Variants in DDX60L observed in about 807,000 individuals in gnomAD.
The protein encoded by DDX60L is probable ATP-dependent RNA helicase DDX60-like.
DDX60L carries 191 observed loss-of-function variants against 211.6 expected under a neutral mutation model. The observed-to-expected ratio is 0.90, with a 90% CI of 0.80 to 1.02. The LOEUF (loss-of-function observed/expected upper bound fraction) is 1.02. Ranked by LOEUF, DDX60L falls within the 50% of genes least tolerant of loss-of-function variation. The pLI, the probability that DDX60L is intolerant of heterozygous loss-of-function variation, is 0.00. For missense variants in DDX60L, 2,007 were observed against 1,984.1 expected, an observed-to-expected ratio of 1.01 and a Z score of -0.22; for synonymous variants, 706 against 694.1, an observed-to-expected ratio of 1.02 and a Z score of -0.27.
intron 7 of DDX60L, among the ~76,000 whole-genome samples, chr4:168,455,263 A>G (rs898725028): frequency 1.3e-5 from 1 of 79,790 alleles, no homozygotes; most frequent in Non-Finnish European, 2.4e-5. Flanking sequence ...TCTAGACTGC[A>G]TACAAACTTT....
At chr4:168,468,193 C>T (rs7662538) in intron 4 of DDX60L, among the ~76,000 whole-genome samples, 109,047 of 151,492 alleles carry the variant, frequency 0.72, 40,506 homozygotes, top group East Asian at 0.88. Flanking sequence ...AATAAATAAA[C>T]AAGTAAAATT....
intron 8 of DDX60L, among the ~76,000 whole-genome samples, chr4:168,451,423 G>A (rs183113595): frequency 1.2e-3 from 184 of 152,284 alleles, no homozygotes; most frequent in African/African-American, 4.2e-3. Flanking sequence ...AGTTGGCCTA[G>A]CCAGAAACCT....
At chr4:168,473,472 C>G (rs1420224487) in intron 1 of DDX60L, among the ~76,000 whole-genome samples, 1 of 151,934 alleles carries the variant, frequency 6.6e-6, no homozygotes, top group East Asian at 1.9e-4. Flanking sequence ...TATTGGGGGG[C>G]CATTTTGAAG....
chr4:168,437,630 C>T (rs777068931), intron 10 of DDX60L, among the ~76,000 whole-genome samples: 3 of 152,088 alleles, frequency 2.0e-5, no homozygotes, highest in Middle Eastern at 3.2e-3. Context: ...AACTGACTAG[C>T]GTTAATGTTA....
At chr4:168,448,422 C>G (rs1188654423) in intron 9 of DDX60L, among the ~76,000 whole-genome samples, 2 of 152,046 alleles carry the variant, frequency 1.3e-5, no homozygotes, top group African/African-American at 2.4e-5. Context: ...AAAAATATAA[C>G]TATTAATATG....
intron 28 of DDX60L, 98 bp from the exon 29 acceptor site, chr4:168,391,742 C>T (rs1744868631): frequency 3.4e-6 from 2 of 580,800 alleles, no homozygotes; most frequent in South Asian, 2.7e-5. Context: ...ACTCTTAGAG[C>T]TTTAACAAAC....
Position 168,394,496 on chromosome 4 carries a change from AC to A in DDX60L, c.3778del (p.Val1260LeufsTer6). ...AAGCCCTTTTACAAAGAGTATCTCA[AC>A]AAACTCTTTTTCTTTAAAATACATG... ...SSMYFKEKEF[V>X]EILFVKGLIR... On this transcript the variant is annotated frameshift_variant, in exon 28 of 38. Transcript: ENST00000682922. LOFTEE classifies it high-confidence loss of function. 1.2e-6 allele frequency: 2 copies of A among 1,610,142 alleles called. No homozygotes were observed. The highest frequency in any genetic ancestry group is 1.7e-6 in the Non-Finnish European group (2 of 1,178,732).
At chr4:168,403,924 A>G in intron 25 of DDX60L, 58 bp downstream of exon 25, 1 of 1,181,166 alleles carries the variant, frequency 8.5e-7, no homozygotes, top group Non-Finnish European at 1.1e-6. Flanking sequence ...ATTGAAAACA[A>G]AACCAAACAA....
At chr4:168,477,071 G>T (rs970889358) in intron 1 of DDX60L, among the ~76,000 whole-genome samples, 3 of 152,078 alleles carry the variant, frequency 2.0e-5, no homozygotes, top group Non-Finnish European at 4.4e-5. Flanking sequence ...TTTGTAAGTT[G>T]TAATTGCTAC....
intron 33 of DDX60L, 81 bp from the exon 34 acceptor site, chr4:168,375,605 AGT>A: frequency 7.8e-7 from 1 of 1,276,030 alleles, no homozygotes; most frequent in Non-Finnish European, 1.0e-6. Context: ...ATTGCAGCAT[AGT>A]TCTGTAGATT....
chr4:168,406,804 C>T, intron 22 of DDX60L, 98 bp from the exon 23 acceptor site: 1 of 861,834 alleles, frequency 1.2e-6, no homozygotes, highest in South Asian at 1.7e-5. Context: ...CAAGTCTTTA[C>T]CTGTGAATCC....
intron 33 of DDX60L, among the ~76,000 whole-genome samples, chr4:168,376,885 T>C (rs1742039821): frequency 6.6e-6 from 1 of 152,244 alleles, no homozygotes; most frequent in African/African-American, 2.4e-5. Context: ...AAATCTTTGC[T>C]AATTGACTAA....
chr4:168,375,629 A>T, intron 33 of DDX60L, 105 bp from the exon 34 acceptor site: 4 of 1,045,186 alleles, frequency 3.8e-6, no homozygotes, highest in Non-Finnish European at 5.2e-6. Context: ...ATGCTCATTC[A>T]TCAAAACCCT....
At chr4:168,455,591 G>C (rs1387806010) in intron 7 of DDX60L, among the ~76,000 whole-genome samples, 2 of 152,114 alleles carry the variant, frequency 1.3e-5, no homozygotes, top group Non-Finnish European at 2.9e-5. Context: ...CGACAGGAGA[G>C]AGTGATAATT....
chr4:168,381,500 A>G (rs1341516670), intron 30 of DDX60L, among the ~76,000 whole-genome samples: 3 of 152,180 alleles, frequency 2.0e-5, no homozygotes, highest in African/African-American at 4.8e-5. Flanking sequence ...TTAAAAATCT[A>G]ATTTAATAAA....
intron 36 of DDX60L, among the ~76,000 whole-genome samples, chr4:168,371,342 C>A (rs1018854320): frequency 8.7e-5 from 13 of 148,972 alleles, no homozygotes; most frequent in Non-Finnish European, 1.8e-4. Context: ...GTAGTAGCCC[C>A]AAAATCCCAA....
At chr4:168,373,537 A>C in intron 35 of DDX60L, 129 bp downstream of exon 35, 2 of 941,406 alleles carry the variant, frequency 2.1e-6, no homozygotes, top group Non-Finnish European at 3.2e-6. Context: ...TCATTCTCTT[A>C]GACAATGATG....
chr4:168,386,176 C>T (rs1743832901), intron 29 of DDX60L, among the ~76,000 whole-genome samples: 1 of 152,136 alleles, frequency 6.6e-6, no homozygotes, highest in African/African-American at 2.4e-5. Flanking sequence ...AAGCTCCAAA[C>T]TAGAAGAGTC....
chr4:168,424,512 GA>G (rs1751161243), intron 14 of DDX60L, among the ~76,000 whole-genome samples: 1 of 152,128 alleles, frequency 6.6e-6, no homozygotes, highest in African/African-American at 2.4e-5. Flanking sequence ...AAGTACAAAT[GA>G]AATTTAAGAC....
Sources: gnomAD v4.1 joint callset for allele counts (sites outside exome capture counted in the v4.1 genomes callset) on GRCh38, gnomAD v4.1.1 for gene constraint, MANE v1.5 for transcripts, NCBI Gene and HGNC (gene_info 2026-07-23, HGNC 2026-07-21) for gene names.